SNX24: variants seen among roughly 807,000 people sequenced by gnomAD.
SNX24 encodes the protein sorting nexin-24.
Under a neutral mutation model 28.7 loss-of-function variants are expected in SNX24, and 22 were observed. The ratio of observed to expected loss-of-function variants is 0.77; its 90% confidence interval spans 0.55 to 1.10. The LOEUF (loss-of-function observed/expected upper bound fraction) is 1.10. Among genes scored for constraint, SNX24 ranks in the 50% least tolerant of loss-of-function variants. SNX24 has a pLI of 0.00. For missense variants in SNX24, 221 were observed against 201.1 expected, an observed-to-expected ratio of 1.10 and a Z score of -0.60; for synonymous variants, 69 against 71.5, an observed-to-expected ratio of 0.96 and a Z score of 0.18.
In SNX24 at chr5:122,897,118, T is replaced by C. The variant is rs927540025; in HGVS notation, c.61-39616T>C. Among the ~76,000 whole-genome samples the C allele has an allele frequency of 5.9e-5, 9 of 152,342 alleles. No homozygotes were observed. In the East Asian group the frequency reaches 1.7e-3, roughly 29 times the overall value. ...TTCACAGGAGACATATAAACGTATC[T>C]ACTTCAGAGGCCTCTCCCTGTGCAT... On this transcript the variant is annotated intron_variant, in intron 1 of 6. Coordinates refer to ENST00000261369, the MANE Select transcript of SNX24 (RefSeq NM_014035.4).
In SNX24 at chr5:122,936,736, G is replaced by A. The variant is rs1180422416; in HGVS notation, c.63G>A (p.Val21=). 6 of 1,572,168 alleles carry A rather than the reference G, an allele frequency of 3.8e-6. No individual in the cohort carries two copies. The highest frequency in any genetic ancestry group is 5.2e-6 in the Non-Finnish European group (6 of 1,145,792). ...EESDLERGYT[V]FKIEVLMNGR... ...AATCTTTTAAATTTTTTCCTCAGGT[G>A]TTTAAGATAGAAGTGCTAATGAATG... Residue 21 remains valine, a splice_region_variant and synonymous_variant, in exon 2 of 7, where the codon GTG becomes GTA. Coordinates refer to ENST00000261369, the MANE Select transcript of SNX24 (RefSeq NM_014035.4).
intron 5 of SNX24, among the ~76,000 whole-genome samples, chr5:123,021,775 A>G (rs1762766041): frequency 6.6e-6 from 1 of 151,992 alleles, no homozygotes; most frequent in African/African-American, 2.4e-5. Flanking sequence ...CTTACCTCTG[A>G]CCGCGCCCCT....
chr5:122,946,304 T>A, intron 3 of SNX24, 145 bp downstream of exon 3: 1 of 494,650 alleles, frequency 2.0e-6, no homozygotes, highest in Non-Finnish European at 3.6e-6. Flanking sequence ...ACAGATATGT[T>A]GTTGGTTGGT....
chr5:122,907,091 C>T (rs1470432581), intron 1 of SNX24, among the ~76,000 whole-genome samples: 1 of 152,164 alleles, frequency 6.6e-6, no homozygotes, highest in African/African-American at 2.4e-5. Flanking sequence ...TTTTCTCCAC[C>T]ACCCTAAAAA....
intron 3 of SNX24, among the ~76,000 whole-genome samples, chr5:122,981,493 AT>A (rs1002634978): frequency 6.6e-6 from 1 of 152,216 alleles, no homozygotes; most frequent in African/African-American, 2.4e-5. Context: ...CCATTAAATC[AT>A]TTTTAGGAAA....
intron 1 of SNX24, among the ~76,000 whole-genome samples, chr5:122,895,704 A>G (rs1194936561): frequency 6.6e-6 from 1 of 152,144 alleles, no homozygotes; most frequent in Non-Finnish European, 1.5e-5. Flanking sequence ...CGTCCCTGCC[A>G]CCCTCACCAT....
intron 6 of SNX24, among the ~76,000 whole-genome samples, chr5:123,004,912 C>T (rs1762372962): frequency 6.6e-6 from 1 of 152,174 alleles, no homozygotes; most frequent in African/African-American, 2.4e-5. Context: ...CAAAAACCAA[C>T]AAAAATAACA....
intron 3 of SNX24, among the ~76,000 whole-genome samples, chr5:122,990,238 T>C (rs1262150869): frequency 6.6e-6 from 1 of 152,240 alleles, no homozygotes; most frequent in Non-Finnish European, 1.5e-5. Context: ...TGAAGTTTGC[T>C]CATTGAGGGT....
chr5:122,871,821 A>G (rs751604245), intron 1 of SNX24, among the ~76,000 whole-genome samples: 13 of 152,102 alleles, frequency 8.5e-5, no homozygotes, highest in Non-Finnish European at 1.9e-4. Context: ...TGCTCGAGGA[A>G]GTTCTAAGGA....
At chr5:122,847,733 A>G (rs1754708249) in intron 1 of SNX24, among the ~76,000 whole-genome samples, 1 of 152,160 alleles carries the variant, frequency 6.6e-6, no homozygotes, top group East Asian at 1.9e-4. Context: ...TGCTCAAGCA[A>G]ACCATCTGCC....
chr5:122,847,528 C>T (rs1754698289), intron 1 of SNX24, among the ~76,000 whole-genome samples: 1 of 107,414 alleles, frequency 9.3e-6, no homozygotes, highest in East Asian at 3.1e-4. Flanking sequence ...CAGTCTTCCT[C>T]TGTCACCCAG....
chr5:122,929,006 C>T (rs947004164), intron 1 of SNX24, among the ~76,000 whole-genome samples: 1 of 151,856 alleles, frequency 6.6e-6, no homozygotes, highest in Non-Finnish European at 1.5e-5. Flanking sequence ...GTGATTGTCC[C>T]ACCCTCCACC....
At chr5:122,973,131 T>C (rs1761024110) in intron 3 of SNX24, among the ~76,000 whole-genome samples, 2 of 152,218 alleles carry the variant, frequency 1.3e-5, no homozygotes, top group Admixed American at 6.5e-5. Context: ...GATAGAAATA[T>C]CTTCACAGGT....
intron 1 of SNX24, among the ~76,000 whole-genome samples, chr5:122,847,200 A>G (rs1365160696): frequency 6.6e-6 from 1 of 152,202 alleles, no homozygotes; most frequent in Non-Finnish European, 1.5e-5. Context: ...TTACCTGCAG[A>G]AATAAGCACT....
chr5:122,882,969 G>A (rs1756547097), intron 1 of SNX24, among the ~76,000 whole-genome samples: 2 of 152,090 alleles, frequency 1.3e-5, no homozygotes, highest in Non-Finnish European at 2.9e-5. Context: ...AGACAGAATG[G>A]CTTGAGTGGA....
At chr5:122,900,054 C>T (rs542781870) in intron 1 of SNX24, among the ~76,000 whole-genome samples, 3 of 151,546 alleles carry the variant, frequency 2.0e-5, no homozygotes, top group South Asian at 2.1e-4. Context: ...GGGTCTTGCT[C>T]TGTTGCCCAG....
At chr5:122,993,056 G>A (rs1367471295) in intron 3 of SNX24, among the ~76,000 whole-genome samples, 1 of 150,950 alleles carries the variant, frequency 6.6e-6, no homozygotes. Flanking sequence ...TCGGCATTCA[G>A]CGTTTAGTGC....
At chr5:122,860,989 G>A (rs1049112199) in intron 1 of SNX24, among the ~76,000 whole-genome samples, 1 of 152,122 alleles carries the variant, frequency 6.6e-6, no homozygotes, top group African/African-American at 2.4e-5. Context: ...GTTTCACTCA[G>A]GTGGGGTCTT....
chr5:123,009,260 T>C, downstream of SNX24: 1 of 979,746 alleles, frequency 1.0e-6, no homozygotes, highest in Non-Finnish European at 1.2e-6. Context: ...TGTATCTGTC[T>C]GTTTACACAC....
Sources: allele counts gnomAD v4.1 joint callset (sites outside exome capture counted in the v4.1 genomes callset), GRCh38; gene constraint gnomAD v4.1.1; transcripts MANE v1.5; gene names NCBI Gene and HGNC (gene_info 2026-07-23, HGNC 2026-07-21).